Variants in MEGF11 observed in about 807,000 individuals in gnomAD.
The protein encoded by MEGF11 is multiple epidermal growth factor-like domains protein 11.
A neutral mutation model predicts 146.6 loss-of-function variants in MEGF11; 126 were observed. The ratio of observed to expected loss-of-function variants is 0.86; its 90% CI spans 0.74 to 1.00. MEGF11 has a LOEUF of 1.00. Ranked by LOEUF, MEGF11 falls within the 50% of genes least tolerant of loss-of-function variation. The pLI is 0.00. For synonymous variants in MEGF11, 532 were observed against 583.4 expected (o/e 0.91, Z 1.27); for missense variants, 1,509 against 1,521.2 (o/e 0.99, Z 0.13).
intron 1 of MEGF11, among the ~76,000 whole-genome samples, chr15:66,141,665 C>A (rs1303077389): frequency 6.6e-6 from 1 of 151,950 alleles, no homozygotes; most frequent in East Asian, 1.9e-4. Context: ...GGCCTGAGGG[C>A]AGGATTCTCT....
chr15:65,965,609 T>TCTTTCTTTCTTTCTTTC (rs1567180128), intron 8 of MEGF11, among the ~76,000 whole-genome samples: 8 of 80,410 alleles, frequency 9.9e-5, no homozygotes, highest in Non-Finnish European at 1.9e-4. Context: ...TCTTTTTTTT[T>TCTTTCTTTCTTTCTTTC]TTTCTTTTTT....
chr15:66,011,856 A>G (rs1391165001), intron 5 of MEGF11, among the ~76,000 whole-genome samples: 2 of 152,202 alleles, frequency 1.3e-5, no homozygotes, highest in Admixed American at 6.5e-5. Flanking sequence ...ATAAAGGAAC[A>G]GTTATGCCAT....
intron 3 of MEGF11, among the ~76,000 whole-genome samples, chr15:66,119,422 C>A (rs1314333955): frequency 4.6e-5 from 7 of 152,200 alleles, no homozygotes; most frequent in Non-Finnish European, 1.0e-4. Flanking sequence ...TCCCCAGTCA[C>A]TTCTAAATAG....
At chr15:66,082,689 A>AAAAAAAAAAAAAAAT (rs2085941932) in intron 5 of MEGF11, among the ~76,000 whole-genome samples, 1 of 148,268 alleles carries the variant, frequency 6.7e-6, no homozygotes. Context: ...AAAAAAAAAA[A>AAAAAAAAAAAAAAAT]AGGGCGGTGC....
intron 5 of MEGF11, among the ~76,000 whole-genome samples, chr15:66,082,466 A>ACTATCT (rs771903283): frequency 2.8e-5 from 2 of 72,636 alleles, no homozygotes; most frequent in Non-Finnish European, 4.8e-5. Flanking sequence ...AAAAAAAAAA[A>ACTATCT]ATCTATCTAT....
chr15:65,993,647 G>A (rs1266736663), intron 5 of MEGF11, among the ~76,000 whole-genome samples: 1 of 152,318 alleles, frequency 6.6e-6, no homozygotes, highest in African/African-American at 2.4e-5. Flanking sequence ...AGGCTGTGTG[G>A]GGGCGGGTAG....
intron 7 of MEGF11, among the ~76,000 whole-genome samples, chr15:65,979,222 T>A (rs1046940252): frequency 1.3e-5 from 2 of 151,844 alleles, no homozygotes; most frequent in African/African-American, 4.8e-5. Context: ...AAAATAGAGA[T>A]CCCCCAGTCC....
intron 1 of MEGF11, among the ~76,000 whole-genome samples, chr15:66,204,288 G>A (rs1481730027): frequency 6.6e-6 from 1 of 152,114 alleles, no homozygotes; most frequent in Non-Finnish European, 1.5e-5. Flanking sequence ...TGTAGTCCCA[G>A]CTACTCAGAA....
intron 5 of MEGF11, among the ~76,000 whole-genome samples, chr15:66,033,818 GTC>G (rs754801133): frequency 6.6e-6 from 1 of 152,176 alleles, no homozygotes; most frequent in Non-Finnish European, 1.5e-5. Context: ...GTGAGACGGA[GTC>G]TCGCCCTGTT....
intron 5 of MEGF11, among the ~76,000 whole-genome samples, chr15:66,064,610 C>T (rs1334531777): frequency 6.0e-5 from 9 of 151,142 alleles, no homozygotes; most frequent in East Asian, 4.0e-4. Flanking sequence ...CGCCAACTCC[C>T]GGATTCAAGC....
intron 10 of MEGF11, among the ~76,000 whole-genome samples, chr15:65,949,521 T>C (rs888627189): frequency 1.3e-5 from 2 of 152,168 alleles, no homozygotes; most frequent in East Asian, 1.9e-4. Flanking sequence ...TTTAAGGTAA[T>C]AGAAATGCTG....
intron 1 of MEGF11, among the ~76,000 whole-genome samples, chr15:66,184,667 C>T (rs540754714): frequency 9.9e-5 from 15 of 151,788 alleles, no homozygotes; most frequent in African/African-American, 3.4e-4. Flanking sequence ...ACCTACTCCC[C>T]CTCAACCCCT....
In MEGF11 at chr15:65,982,450, G is replaced by C. The variant is rs774237193; in HGVS notation, c.433C>G (p.Arg145Gly). The change falls in exon 6 of 26, where the codon CGG becomes GGG. Residue 145 changes from arginine (R) to glycine (G), a missense_variant. By Grantham distance (125) the Arg-to-Gly change is moderately radical. Transcript: ENST00000395614. The surrounding 1 kb of genome is among the most constrained non-coding windows in gnomAD (Gnocchi z 5.6). ...SDHWGPHCSN[R>G]CQCQNGALCN... The stretch of plus-strand genomic sequence containing the variant: ...AGGGCGCCGTTCTGGCACTGGCACC[G>C]GTTGCTGCAGTGGGGCCCCCAGTGG... 3 of 1,492,078 alleles carry C rather than the reference G, an allele frequency of 2.0e-6. No homozygotes were observed. Among genetic ancestry groups the C allele is most frequent in the Admixed American group, 4.4e-5 (2 of 45,030 alleles). 92.4% of individuals were successfully genotyped at this position (1,492,078 alleles called of 1,614,324 possible).
At position 65,957,683 on chromosome 15, in the gene MEGF11, C is replaced by G. The variant is rs766532806; in HGVS notation, c.1151G>C (p.Gly384Ala). Reference protein sequence around the residue: ...PVTGACTCQPGWSGHHCNESC... With the variant: ...PVTGACTCQPAWSGHHCNESC... ...TTCATTGCAGTGGTGACCAGACCAG[C>G]CTGGCTGGCAGGTACAAGCTCCAGT... The change falls in exon 10 of 26, where the codon GGC becomes GCC. Residue 384 changes from glycine to alanine, a missense_variant. Physicochemically the swap from Gly to Ala is moderately conservative, Grantham distance 60. Transcript: ENST00000395614. 1.9e-6 allele frequency: 3 copies of G among 1,613,890 alleles called. No homozygotes were observed. In the Admixed American group the frequency reaches 5.0e-5, roughly 27 times the overall value.
At chr15:65,950,561 A>G (rs1372172158) in intron 10 of MEGF11, among the ~76,000 whole-genome samples, 1 of 151,344 alleles carries the variant, frequency 6.6e-6, no homozygotes, top group Non-Finnish European at 1.5e-5. Flanking sequence ...AGCCTGGGCA[A>G]TAGAGTGAGG....
intron 1 of MEGF11, among the ~76,000 whole-genome samples, chr15:66,184,285 C>T (rs949804416): frequency 2.6e-5 from 4 of 152,136 alleles, no homozygotes; most frequent in African/African-American, 9.7e-5. Flanking sequence ...CCTCCCCACG[C>T]ATCCCACACT....
At chr15:66,212,637 C>A (rs554232871) in intron 1 of MEGF11, among the ~76,000 whole-genome samples, 1 of 152,238 alleles carries the variant, frequency 6.6e-6, no homozygotes, top group Non-Finnish European at 1.5e-5. Context: ...CACAAGAATG[C>A]GCTTCCTTCC....
chr15:65,945,144 C>G (rs1434508769), intron 10 of MEGF11, among the ~76,000 whole-genome samples: 1 of 152,240 alleles, frequency 6.6e-6, no homozygotes, highest in African/African-American at 2.4e-5. Context: ...GATCTGCCCT[C>G]CTCGGCCTCC....
At chr15:66,124,180 C>A (rs1333040540) in intron 2 of MEGF11, among the ~76,000 whole-genome samples, 180 bp from the exon 3 acceptor site, 1 of 152,154 alleles carries the variant, frequency 6.6e-6, no homozygotes, top group Non-Finnish European at 1.5e-5. Flanking sequence ...ATTCCAGCCT[C>A]CCCGACCCCA....
Sources: gnomAD v4.1 joint callset for allele counts (sites outside exome capture counted in the v4.1 genomes callset) on GRCh38, gnomAD v4.1.1 for gene constraint, Gnocchi (gnomAD v3.1) non-coding constraint, MANE v1.5 for transcripts, NCBI Gene and HGNC (gene_info 2026-07-23, HGNC 2026-07-21) for gene names.